The following ZNF451 variants were observed in gnomAD, a reference collection of about 807,000 sequenced individuals.
ZNF451 encodes zinc finger protein 451.
A neutral mutation model predicts 107.1 loss-of-function variants in ZNF451; 80 were observed. That is an observed-to-expected ratio of 0.75 (90% CI 0.62 to 0.90). The LOEUF (loss-of-function observed/expected upper bound fraction) is 0.90. ZNF451 is among the 40% of genes least tolerant of loss of function. The pLI, the probability that ZNF451 is intolerant of heterozygous loss-of-function variation, is 0.00. For missense variants in ZNF451, 1,107 were observed against 1,236.2 expected (o/e 0.90, Z 1.57); for synonymous variants, 362 against 406.5 (o/e 0.89, Z 1.32).
intron 4 of ZNF451, among the ~76,000 whole-genome samples, chr6:57,128,069 A>G (rs1483747147): frequency 1.3e-5 from 2 of 152,196 alleles, no homozygotes; most frequent in African/African-American, 4.8e-5. Flanking sequence ...CTTTGTGGAA[A>G]AGTTTGTTAC....
intron 9 of ZNF451, among the ~76,000 whole-genome samples, chr6:57,146,476 C>T (rs1243232728): frequency 6.6e-6 from 1 of 152,132 alleles, no homozygotes; most frequent in Non-Finnish European, 1.5e-5. Flanking sequence ...TTTTATTCTT[C>T]TGCATATGGC....
At position 57,124,761 on chromosome 6, in the gene ZNF451, GATTA is replaced by G. The variant is rs1830844073; in HGVS notation, c.215_218del (p.Asp72ValfsTer8). On this transcript the variant is annotated frameshift_variant, in exon 4 of 15. Transcript: ENST00000370706. LOFTEE classifies it high-confidence loss of function. ...GAATATTAAACGTAAAGACCATATT[GATTA>G]TCAGAAGGATAAAGTTGCTTTAACT... 1.3e-6 allele frequency: 2 copies of G among 1,595,540 alleles called. No individual in the cohort carries two copies. Among genetic ancestry groups the G allele is most frequent in the African/African-American group, 2.7e-5 (2 of 74,470 alleles).
At chr6:57,126,252 G>A (rs975948075) in intron 4 of ZNF451, among the ~76,000 whole-genome samples, 2 of 152,040 alleles carry the variant, frequency 1.3e-5, no homozygotes, top group Non-Finnish European at 2.9e-5. Context: ...CAGTTGGAAA[G>A]AATAAATTTG....
In ZNF451 at chr6:57,147,492, T is replaced by TA; in HGVS notation, c.1411dup (p.Thr471AsnfsTer5). 1 of 1,614,106 alleles carries TA rather than the reference T, an allele frequency of 6.2e-7. No individual in the cohort carries two copies. Among genetic ancestry groups the TA allele is most frequent in the Non-Finnish European group, 8.5e-7 (1 of 1,179,980 alleles). ...GTGTCCAGAAAGAAAAATCAGTAGT[T>TA]AAAACCTGGTTCTGTGAATGCAATC... On this transcript the variant is annotated frameshift_variant, in exon 10 of 15. Transcript: ENST00000370706. LOFTEE classifies it high-confidence loss of function.
intron 3 of ZNF451, chr6:57,106,567 A>T (rs978276797): frequency 6.1e-6 from 6 of 975,712 alleles, no homozygotes; most frequent in Non-Finnish European, 7.3e-6. Context: ...TGGCCTCCCA[A>T]AGTGCTGGGA....
chr6:57,110,421 C>T (rs1378938440), intron 3 of ZNF451, among the ~76,000 whole-genome samples: 2 of 152,054 alleles, frequency 1.3e-5, no homozygotes, highest in Non-Finnish European at 1.5e-5. Context: ...CTTTCTTTCC[C>T]GGAACTGAGC....
chr6:57,165,110 C>G (rs1426843573), intron 14 of ZNF451: 1 of 152,104 alleles, frequency 6.6e-6, no homozygotes, highest in Non-Finnish European at 1.5e-5. Flanking sequence ...AAGAAATCAG[C>G]TAGTAATTTT....
At chr6:57,167,736 G>T (rs1249499626) in intron 14 of ZNF451, among the ~76,000 whole-genome samples, 1 of 152,000 alleles carries the variant, frequency 6.6e-6, no homozygotes, top group Middle Eastern at 3.2e-3. Flanking sequence ...TCACCCTCCT[G>T]GATTTTAGCA....
In ZNF451 at chr6:57,169,162, T is replaced by C. The variant is rs1429540200; in HGVS notation, c.*693T>C. The stretch of plus-strand genomic sequence containing the variant: ...TTACCTGCTTAGACTTTTATGTGAC[T>C]TGTATGGTCTCCTGGTTAAAGGGAA... On this transcript the variant is annotated 3_prime_UTR_variant, in exon 15 of 15. Transcript: ENST00000370706. 4 of 152,144 alleles carry C rather than the reference T, an allele frequency of 2.6e-5. No individual in the cohort carries two copies. The highest frequency in any genetic ancestry group is 5.9e-5 in the Non-Finnish European group (4 of 67,958). The allele number at this position is 152,144 out of a possible 1,614,324, so 9.4% of individuals were successfully genotyped here.
rs1377204638 is a variant in ZNF451, at chr6:57,147,634, A to G, written c.1549A>G (p.Met517Val). Residue 517 changes from methionine to valine, a missense_variant, in exon 10 of 15, where the codon ATG (methionine) becomes GTG (valine). This residue lies in a region of ZNF451 where 608 missense variants were observed against 649.2 expected (regional missense o/e 0.94). Transcript: ENST00000370706. ...CDDSGVIRLH[M>V]SRIHGGAHLN... ...TGATTCAGGGGTCATTCGTTTACAC[A>G]TGAGCCGGATTCACGGAGGGGCACA... 4.3e-6 allele frequency: 7 copies of G among 1,614,030 alleles called. No individual in the cohort carries two copies. The highest frequency in any genetic ancestry group is 3.3e-5 in the South Asian group (3 of 91,092).
intron 9 of ZNF451, 29 bp from the exon 10 acceptor site, chr6:57,147,061 G>A (rs1246897460): frequency 1.9e-6 from 3 of 1,545,954 alleles, no homozygotes; most frequent in East Asian, 2.3e-5. Flanking sequence ...ACTTCTGAAA[G>A]ACTTTCTATT....
Position 57,106,537 on chromosome 6 carries a change from C to T in ZNF451, c.186+7396C>T. On this transcript the variant is annotated intron_variant, in intron 3 of 14. Coordinates refer to ENST00000370706, the MANE Select transcript of ZNF451 (RefSeq NM_001031623.3). ...GTCAGGCTGGTCTCAAACTCCTGAC[C>T]TCAAGTGATCCGCCCGCCTTGGCCT... The T allele has an allele frequency of 3.3e-6, 3 of 900,400 alleles. No homozygotes were observed. In the South Asian group the frequency reaches 1.5e-4, roughly 46 times the overall value. 55.8% of individuals were successfully genotyped at this position (900,400 alleles called of 1,614,324 possible).
At position 57,147,480 on chromosome 6, in the gene ZNF451, A is replaced by G. The variant is rs779010345; in HGVS notation, c.1395A>G (p.Glu465=). The G allele has an allele frequency of 1.3e-5, 21 of 1,614,034 alleles. No homozygotes were observed. The East Asian group carries it at 4.7e-4, about 36-fold the overall frequency. The change falls in exon 10 of 15, where the codon GAA becomes GAG. Residue 465 remains glutamate, a synonymous_variant. Coordinates refer to ENST00000370706, the MANE Select transcript of ZNF451 (RefSeq NM_001031623.3). ...AAGGTGTTGCTTGTGTCCAGAAAGA[A>G]AAATCAGTAGTTAAAACCTGGTTCT... is the stretch of plus-strand genomic sequence containing the variant. The part of the protein sequence containing the change: ...SHEGVACVQK[E]KSVVKTWFCE...
At chr6:57,104,486 T>TA in intron 3 of ZNF451, 1 of 985,424 alleles carries the variant, frequency 1.0e-6, no homozygotes, top group Non-Finnish European at 1.2e-6. Context: ...GAAATACTCT[T>TA]ATTTCAAACC....
chr6:57,098,338 A>G (rs1291244030), intron 2 of ZNF451, among the ~76,000 whole-genome samples: 3 of 151,666 alleles, frequency 2.0e-5, no homozygotes, highest in Non-Finnish European at 4.4e-5. Context: ...TGGCCTAATA[A>G]TCAATCTCTT....
At chr6:57,130,522 A>G (rs917365967) in intron 5 of ZNF451, among the ~76,000 whole-genome samples, 2 of 152,132 alleles carry the variant, frequency 1.3e-5, no homozygotes, top group Non-Finnish European at 2.9e-5. Context: ...CCCTAGGTGG[A>G]TAGGAAAATG....
At chr6:57,159,185 A>T in intron 13 of ZNF451, 1 of 985,338 alleles carries the variant, frequency 1.0e-6, no homozygotes, top group Non-Finnish European at 1.2e-6. Context: ...TGTTCTTCTG[A>T]TGGGGTTGAT....
At chr6:57,152,145 G>A (rs1485383002) in intron 11 of ZNF451, 76 bp from the exon 12 acceptor site, 3 of 1,480,390 alleles carry the variant, frequency 2.0e-6, no homozygotes, top group Non-Finnish European at 2.7e-6. Context: ...TTTCTAGTAT[G>A]TGTTTTTTCT....
chr6:57,113,054 A>G (rs1216247138), intron 3 of ZNF451, among the ~76,000 whole-genome samples: 1 of 151,908 alleles, frequency 6.6e-6, no homozygotes, highest in African/African-American at 2.4e-5. Context: ...TTTATAGGTA[A>G]ACTTGTATCA....
Sources: gnomAD v4.1 joint callset for allele counts (sites outside exome capture counted in the v4.1 genomes callset) on GRCh38, gnomAD v4.1.1 for gene constraint, gnomAD v4.1.1 regional missense constraint, MANE v1.5 for transcripts, NCBI Gene and HGNC (gene_info 2026-07-23, HGNC 2026-07-21) for gene names.